Variants in NRXN1 observed in about 807,000 individuals in gnomAD.
The protein encoded by NRXN1 is neurexin 1.
A neutral mutation model predicts 150.9 loss-of-function variants in NRXN1; 39 were observed. The observed-to-expected ratio is 0.26, with a 90% CI of 0.20 to 0.34. NRXN1 has a LOEUF of 0.34. NRXN1 is among the 10% of genes least tolerant of loss of function. The pLI is 1.00. For synonymous variants in NRXN1, 924 were observed against 757.0 expected, an observed-to-expected ratio of 1.22 and a Z score of -3.62; for missense variants, 1,815 against 1,949.9, an observed-to-expected ratio of 0.93 and a Z score of 1.30.
chr2:50,790,380 A>G (rs1705768162), intron 5 of NRXN1, among the ~76,000 whole-genome samples: 1 of 152,094 alleles, frequency 6.6e-6, no homozygotes, highest in South Asian at 2.1e-4. Flanking sequence ...TTCCTCAGGC[A>G]TTTCTAGATT....
chr2:50,777,273 G>T (rs1034114686), intron 5 of NRXN1, among the ~76,000 whole-genome samples: 4 of 151,994 alleles, frequency 2.6e-5, no homozygotes, highest in African/African-American at 7.2e-5. Flanking sequence ...TTAGCAAATG[G>T]GATATGAGGT....
At chr2:50,799,172 G>A (rs1365604399) in intron 5 of NRXN1, among the ~76,000 whole-genome samples, 2 of 152,066 alleles carry the variant, frequency 1.3e-5, no homozygotes, top group Non-Finnish European at 2.9e-5. Flanking sequence ...ATATGCCGTG[G>A]GATGATACTG....
intron 5 of NRXN1, among the ~76,000 whole-genome samples, chr2:50,873,432 T>C (rs1472021664): frequency 6.6e-6 from 1 of 151,854 alleles, no homozygotes; most frequent in Non-Finnish European, 1.5e-5. Flanking sequence ...TGAATCAATA[T>C]AATAATAGCA....
At chr2:50,136,218 A>G (rs1391233602) in intron 18 of NRXN1, among the ~76,000 whole-genome samples, 2 of 152,142 alleles carry the variant, frequency 1.3e-5, no homozygotes, top group Non-Finnish European at 2.9e-5. Context: ...ATTTTTTTTC[A>G]GGAAGTAGTT....
In NRXN1 at chr2:50,225,954, A is replaced by G. The variant is rs116256281; in HGVS notation, c.3546+10835T>C. On this transcript the variant is annotated intron_variant, in intron 18 of 22. Transcript: ENST00000401669. ...TAATTTATGTGATATGTGGTATACTAAAGGGTAGGGTTGTTTGACTTCATA... is the reference window on the plus strand; with the variant it reads ...TAATTTATGTGATATGTGGTATACTGAAGGGTAGGGTTGTTTGACTTCATA... 8.6e-3 allele frequency among the ~76,000 whole-genome samples: 1,301 copies of G among 152,134 alleles called. 11 individuals are homozygous for G. The highest frequency in any genetic ancestry group is 0.027 in the African/African-American group (1,136 of 41,550).
chr2:50,160,189 T>A (rs200959829), intron 18 of NRXN1, among the ~76,000 whole-genome samples: 6 of 30,250 alleles, frequency 2.0e-4, no homozygotes, highest in Non-Finnish European at 4.1e-4. Flanking sequence ...GGATATATGA[T>A]TTTTTCTTCT....
chr2:50,548,211 C>A (rs6710893), intron 9 of NRXN1: 52,698 of 151,862 alleles, frequency 0.35, 10,629 homozygotes, highest in African/African-American at 0.55. Flanking sequence ...TTTTCCTGCT[C>A]CCTAAATGTC....
chr2:50,806,703 C>T (rs1054078402), intron 5 of NRXN1, among the ~76,000 whole-genome samples: 1 of 152,040 alleles, frequency 6.6e-6, no homozygotes, highest in Non-Finnish European at 1.5e-5. Flanking sequence ...CTCCTTGTAC[C>T]TAAAAGTTTG....
intron 21 of NRXN1, among the ~76,000 whole-genome samples, chr2:49,966,270 T>C (rs1336119722): frequency 1.3e-5 from 2 of 152,160 alleles, no homozygotes; most frequent in Non-Finnish European, 2.9e-5. Flanking sequence ...ATGTTATTTC[T>C]TCCTATTGTG....
chr2:50,289,188 G>C (rs1292756710), intron 17 of NRXN1, among the ~76,000 whole-genome samples: 2 of 152,066 alleles, frequency 1.3e-5, no homozygotes, highest in African/African-American at 4.8e-5. Flanking sequence ...ATTATATATG[G>C]GAATGTGTAA....
intron 22 of NRXN1, among the ~76,000 whole-genome samples, chr2:49,937,601 A>G (rs534951987): frequency 1.0e-3 from 158 of 152,062 alleles, no homozygotes; most frequent in African/African-American, 3.7e-3. Flanking sequence ...TCAGTTTCCA[A>G]CTCCAGCTGC....
At chr2:50,423,568 G>A (rs1325917682) in intron 17 of NRXN1, among the ~76,000 whole-genome samples, 1 of 152,052 alleles carries the variant, frequency 6.6e-6, no homozygotes, top group African/African-American at 2.4e-5. Context: ...ATAAGGAAGC[G>A]AGATATTAAT....
At chr2:50,295,074 T>C (rs1191154607) in intron 17 of NRXN1, among the ~76,000 whole-genome samples, 1 of 152,210 alleles carries the variant, frequency 6.6e-6, no homozygotes, top group African/African-American at 2.4e-5. Context: ...GGATGAATCA[T>C]ACATATTTCC....
intron 5 of NRXN1, among the ~76,000 whole-genome samples, chr2:50,736,117 T>TG (rs1698711634): frequency 6.6e-6 from 1 of 152,192 alleles, no homozygotes; most frequent in Non-Finnish European, 1.5e-5. Context: ...TCAACCCCCC[T>TG]GCTTCCCGTA....
chr2:50,174,732 T>G (rs990366975), intron 18 of NRXN1: 1 of 152,134 alleles, frequency 6.6e-6, no homozygotes, highest in Non-Finnish European at 1.5e-5. Flanking sequence ...ATTAAATAAA[T>G]TACTATATGT....
At chr2:50,083,381 C>G (rs1698252840) in intron 19 of NRXN1, among the ~76,000 whole-genome samples, 2 of 152,196 alleles carry the variant, frequency 1.3e-5, no homozygotes, top group South Asian at 4.1e-4. Context: ...ATCAGAGAAT[C>G]TTGCTCTCTC....
chr2:50,945,112 C>A (rs1223234298), intron 2 of NRXN1, among the ~76,000 whole-genome samples: 1 of 152,126 alleles, frequency 6.6e-6, no homozygotes, highest in Admixed American at 6.5e-5. Context: ...GATTTCCCGA[C>A]CTTAAAGCCT....
intron 2 of NRXN1, chr2:51,026,371 T>C: frequency 6.3e-7 from 1 of 1,579,570 alleles, no homozygotes; most frequent in Non-Finnish European, 8.6e-7. Context: ...ACTCACTCAC[T>C]TTCTGTTAGA....
chr2:50,720,640 T>C (rs1208306736), intron 5 of NRXN1, among the ~76,000 whole-genome samples: 2 of 152,232 alleles, frequency 1.3e-5, no homozygotes, highest in African/African-American at 2.4e-5. Context: ...TATTACATTT[T>C]GCATTTATAA....
Sources: allele counts gnomAD v4.1 joint callset (sites outside exome capture counted in the v4.1 genomes callset), GRCh38; gene constraint gnomAD v4.1.1; transcripts MANE v1.5; gene names NCBI Gene and HGNC (gene_info 2026-07-23, HGNC 2026-07-21).